RGS6: variants seen among roughly 807,000 people sequenced by gnomAD.
RGS6 encodes regulator of G protein signaling 6.
In RGS6, 30 loss-of-function variants were observed where a neutral mutation model predicts 78.5. The observed-to-expected ratio is 0.38, with a 90% CI of 0.29 to 0.52. The LOEUF (loss-of-function observed/expected upper bound fraction) is 0.52. Ranked by LOEUF, RGS6 falls within the 20% of genes least tolerant of loss-of-function variation. The pLI, the probability that RGS6 is intolerant of heterozygous loss-of-function variation, is 0.85. For missense variants in RGS6, 495 were observed against 609.7 expected, an observed-to-expected ratio of 0.81 and a Z score of 1.98; for synonymous variants, 206 against 206.0, an observed-to-expected ratio of 1.00 and a Z score of 0.00.
the RGS6 span, among the ~76,000 whole-genome samples, chr14:71,915,199 G>T: frequency 2.0e-5 from 3 of 151,944 alleles, no homozygotes; most frequent in Non-Finnish European, 4.4e-5. Flanking sequence ...AGAGGTTGCA[G>T]TGAGGCGAGA....
chr14:72,556,511 G>C lies in RGS6; in HGVS notation c.1423-5906G>C, dbSNP rs557287408. 4.3e-4 allele frequency among the ~76,000 whole-genome samples: 65 copies of C among 152,294 alleles called. 1 individual carries two copies. The highest frequency in any genetic ancestry group is 7.8e-4 in the Admixed American group (12 of 15,300). ...AACCATATCACCAATACAGGATAGA[G>C]TAAGGTGTCTGAGCCTACTAGTGGT... On this transcript the variant is annotated intron_variant, in intron 17 of 17. Transcript: ENST00000553525.
intron 2 of RGS6, among the ~76,000 whole-genome samples, chr14:72,291,813 G>A (rs1454485511): frequency 3.3e-5 from 5 of 152,130 alleles, no homozygotes; most frequent in South Asian, 2.1e-4. Context: ...GTTACCGAGC[G>A]TACTTGTGTA....
At chr14:72,039,743 A>G (rs774201547) in intron 2 of RGS6, among the ~76,000 whole-genome samples, 2 of 145,472 alleles carry the variant, frequency 1.4e-5, no homozygotes, top group Admixed American at 6.8e-5. Flanking sequence ...TGTATTCTGT[A>G]TATGTTGTAT....
intron 15 of RGS6, among the ~76,000 whole-genome samples, chr14:72,519,014 C>T (rs567241988): frequency 2.9e-4 from 44 of 152,316 alleles, no homozygotes; most frequent in Admixed American, 1.8e-3. Flanking sequence ...CCAGGCTCTG[C>T]GCTATGTGAT....
chr14:72,143,745 T>G (rs986573416), intron 2 of RGS6, among the ~76,000 whole-genome samples: 1 of 152,212 alleles, frequency 6.6e-6, no homozygotes, highest in Non-Finnish European at 1.5e-5. Flanking sequence ...TTTTCAAACA[T>G]TTTAGTCTTA....
intron 3 of RGS6, among the ~76,000 whole-genome samples, chr14:72,399,866 C>T (rs575899895): frequency 2.0e-5 from 3 of 152,086 alleles, no homozygotes; most frequent in Non-Finnish European, 2.9e-5. Flanking sequence ...CAAACAAAGC[C>T]TCCAAGAAAT....
intron 2 of RGS6, among the ~76,000 whole-genome samples, chr14:72,011,585 A>T (rs1212548986): frequency 3.8e-5 from 1 of 26,336 alleles, no homozygotes; most frequent in Admixed American, 4.0e-4. Context: ...AAAAATATAA[A>T]AAAAAAAAAT....
intron 2 of RGS6, among the ~76,000 whole-genome samples, chr14:72,103,057 G>A (rs1462143850): frequency 6.6e-6 from 1 of 152,174 alleles, no homozygotes; most frequent in Non-Finnish European, 1.5e-5. Context: ...GGAGGAATTT[G>A]AGACCTCCGT....
chr14:72,415,841 A>G (rs1209869467), intron 3 of RGS6, among the ~76,000 whole-genome samples: 1 of 152,202 alleles, frequency 6.6e-6, no homozygotes, highest in East Asian at 1.9e-4. Context: ...CACTTGTATA[A>G]GAACTAAAAG....
chr14:72,050,949 AT>A, intron 2 of RGS6, among the ~76,000 whole-genome samples: 1 of 152,202 alleles, frequency 6.6e-6, no homozygotes, highest in South Asian at 2.1e-4. Context: ...TTGTAGAGGC[AT>A]ATGGGAGTTA....
chr14:72,206,864 TAA>T (rs36124558), intron 2 of RGS6, among the ~76,000 whole-genome samples: 149,888 of 152,178 alleles, frequency 0.98, 73,829 homozygotes, highest in East Asian at 1. Context: ...TGTATATATA[TAA>T]AATACATGTA....
chr14:71,980,340 C>A (rs1457931381), intron 2 of RGS6, among the ~76,000 whole-genome samples: 1 of 146,084 alleles, frequency 6.8e-6, no homozygotes, highest in Non-Finnish European at 1.5e-5. Context: ...TTAGTTGATG[C>A]AGTTTCTTCC....
intron 2 of RGS6, among the ~76,000 whole-genome samples, chr14:71,983,367 C>T (rs2094548360): frequency 6.6e-6 from 1 of 152,214 alleles, no homozygotes; most frequent in South Asian, 2.1e-4. Context: ...CAGGAAGTAA[C>T]TTGTATCTGT....
chr14:72,567,254 C>G (rs1006664082), downstream of RGS6, among the ~76,000 whole-genome samples: 1 of 152,138 alleles, frequency 6.6e-6, no homozygotes, highest in Non-Finnish European at 1.5e-5. Flanking sequence ...ATTTTCTGCC[C>G]CACAGAGTTA....
At chr14:71,944,811 G>A (rs1017904398) in intron 1 of RGS6, among the ~76,000 whole-genome samples, 11 of 152,154 alleles carry the variant, frequency 7.2e-5, no homozygotes, top group Non-Finnish European at 5.9e-5. Context: ...TTTTGTTGTT[G>A]TGTGAACACC....
At chr14:72,583,520 G>A in the RGS6 span, among the ~76,000 whole-genome samples, 1 of 152,184 alleles carries the variant, frequency 6.6e-6, no homozygotes, top group Non-Finnish European at 1.5e-5. Flanking sequence ...CTCCCAGAGT[G>A]TTGATCTCAG....
At chr14:72,434,468 C>T (rs1464628131) in intron 3 of RGS6, among the ~76,000 whole-genome samples, 2 of 152,220 alleles carry the variant, frequency 1.3e-5, no homozygotes, top group African/African-American at 4.8e-5. Flanking sequence ...AATATATCTT[C>T]TGTAGCATTC....
chr14:72,013,743 A>G (rs1483057274), intron 2 of RGS6, among the ~76,000 whole-genome samples: 1 of 152,266 alleles, frequency 6.6e-6, no homozygotes, highest in Non-Finnish European at 1.5e-5. Flanking sequence ...TGTAAACATA[A>G]TGAAGGCTTT....
chr14:72,553,593 G>A (rs1419230899), intron 17 of RGS6, among the ~76,000 whole-genome samples: 2 of 152,102 alleles, frequency 1.3e-5, no homozygotes, highest in African/African-American at 4.8e-5. Context: ...GGAGCTGAGG[G>A]GTCCAGAAAT....
Sources: gnomAD v4.1 joint callset for allele counts (sites outside exome capture counted in the v4.1 genomes callset) on GRCh38, gnomAD v4.1.1 for gene constraint, MANE v1.5 for transcripts, NCBI Gene and HGNC (gene_info 2026-07-23, HGNC 2026-07-21) for gene names.